KDM7A: variants seen among roughly 807,000 people sequenced by gnomAD.
KDM7A encodes the protein lysine demethylase 7A, also known as lysine-specific demethylase 7A.
Under a neutral mutation model 114.8 loss-of-function variants are expected in KDM7A, and 28 were observed. The ratio of observed to expected loss-of-function variants is 0.24; its 90% CI spans 0.18 to 0.33. The LOEUF (loss-of-function observed/expected upper bound fraction) is 0.33. KDM7A is among the 10% of genes least tolerant of loss of function. KDM7A has a pLI of 1.00. For missense variants in KDM7A, 942 were observed against 1,142.5 expected, an observed-to-expected ratio of 0.82 and a Z score of 2.53; for synonymous variants, 423 against 397.8, an observed-to-expected ratio of 1.06 and a Z score of -0.75.
chr7:140,095,553 A>G, intron 17 of KDM7A: 1 of 206,898 alleles, frequency 4.8e-6, no homozygotes, highest in South Asian at 4.6e-5. Flanking sequence ...GTAAAATGGG[A>G]GTGATTTTAC....
chr7:140,100,660 T>TTATATATATATATATATACACATA lies in KDM7A; in HGVS notation c.1639-638_1639-637insTATGTGTATATATATATATATATA, dbSNP rs1818185318. ...ATACAATTTAAAATATTTTAAAAAGTTATATATATATATATATATACATAT... is the reference window on the plus strand; with the variant it reads ...ATACAATTTAAAATATTTTAAAAAGTTATATATATATATATATACACATATATATATATATATATATATACATAT... On this transcript the variant is annotated intron_variant, in intron 12 of 19. Coordinates refer to ENST00000397560, the MANE Select transcript of KDM7A (RefSeq NM_030647.2). 2.6e-4 allele frequency among the ~76,000 whole-genome samples: 29 copies of TTATATATATATATATATACACATA among 111,280 alleles called. 1 individual carries two copies. The highest frequency in any genetic ancestry group is 4.3e-4 in the Non-Finnish European group (24 of 55,486). 73.0% of individuals were successfully genotyped at this position (111,280 alleles called of 152,430 possible).
At chr7:140,165,639 T>C (rs114559350) in intron 1 of KDM7A, among the ~76,000 whole-genome samples, 2,258 of 152,306 alleles carry the variant, frequency 0.015, 71 homozygotes, top group African/African-American at 0.05. Flanking sequence ...CCTCTGTTAG[T>C]GTATCCAGAC....
intron 1 of KDM7A, among the ~76,000 whole-genome samples, chr7:140,143,098 T>C (rs1794303578): frequency 6.8e-6 from 1 of 147,236 alleles, no homozygotes; most frequent in Non-Finnish European, 1.5e-5. Context: ...GAGAACGGCA[T>C]GAACTCGGGA....
At chr7:140,092,294 C>T (rs183391959) in intron 18 of KDM7A, among the ~76,000 whole-genome samples, 2 of 152,204 alleles carry the variant, frequency 1.3e-5, no homozygotes, top group Admixed American at 6.5e-5. Context: ...GTTAAGAAGG[C>T]GAAAGAGAGA....
intron 1 of KDM7A, among the ~76,000 whole-genome samples, chr7:140,172,647 C>G (rs1794658950): frequency 6.7e-6 from 1 of 150,310 alleles, no homozygotes; most frequent in Admixed American, 6.6e-5. Flanking sequence ...AGCGAAACTC[C>G]GTCTCAAAAA....
At chr7:140,099,813 A>G in intron 13 of KDM7A, 86 bp downstream of exon 13, 2 of 1,299,584 alleles carry the variant, frequency 1.5e-6, no homozygotes, top group Non-Finnish European at 2.2e-6. Context: ...CCCTGGTGCC[A>G]GAAAGGTTGA....
rs564570172 is a variant in KDM7A, at chr7:140,087,455, C to T, written c.*3639G>A. The stretch of plus-strand genomic sequence containing the variant: ...GATTTTTAAAGTAGCATGCCCTGGG[C>T]ATATATTTGATATAAAATAAACATC... On this transcript the variant is annotated 3_prime_UTR_variant, in exon 20 of 20. Transcript: ENST00000397560. 2 of 152,188 alleles carry T rather than the reference C, an allele frequency of 1.3e-5. No individual in the cohort carries two copies. Among genetic ancestry groups the T allele is most frequent in the African/African-American group, 4.8e-5 (2 of 41,514 alleles). 9.4% of individuals were successfully genotyped at this position (152,188 alleles called of 1,614,324 possible). A position where few individuals can be genotyped will look rare whatever the true frequency, so the allele number is the denominator to read the frequency against.
chr7:140,091,167 A>G lies in KDM7A; in HGVS notation c.2753T>C (p.Met918Thr), dbSNP rs759305960. ...ATKGKRPKKG[M>T]ATAKQRLGKI... ...CCCAAGACGTTGTTTGGCTGTTGCC[A>G]TTCCTTTTTTTGGACGTTTACCTAT... Residue 918 changes from methionine (M) to threonine (T), a missense_variant, in exon 20 of 20, where the codon ATG (methionine) becomes ACG (threonine). This residue lies in a region of KDM7A where 512 missense variants were observed against 576.6 expected (regional missense o/e 0.89). Transcript: ENST00000397560. 1.2e-6 allele frequency: 2 copies of G among 1,613,928 alleles called. No individual in the cohort carries two copies. Among genetic ancestry groups the G allele is most frequent in the Admixed American group, 1.7e-5 (1 of 60,026 alleles).
chr7:140,097,019 T>C lies in KDM7A; in HGVS notation c.2045A>G (p.Glu682Gly). Residue 682 changes from glutamate (E) to glycine (G), a missense_variant, in exon 16 of 20, where the codon GAA becomes GGA. By Grantham distance (98) the Glu-to-Gly change is moderately conservative. Coordinates refer to ENST00000397560, the MANE Select transcript of KDM7A (RefSeq NM_030647.2). ...LKSIFTTEES[E>G]SSGDEKKQEI... ...TTGTTTCTTTTCATCACCTGAACTT[T>C]CAGACTCTTCAGTGGTAAAGATACT... The C allele has an allele frequency of 6.2e-7, 1 of 1,612,334 alleles. No individual in the cohort carries two copies. Among genetic ancestry groups the C allele is most frequent in the Non-Finnish European group, 8.5e-7 (1 of 1,178,630 alleles).
At chr7:140,128,048 T>G (rs1818733871) in intron 4 of KDM7A, among the ~76,000 whole-genome samples, 1 of 152,132 alleles carries the variant, frequency 6.6e-6, no homozygotes, top group Non-Finnish European at 1.5e-5. Context: ...CATCACTCAT[T>G]GGGGAATTAG....
intron 12 of KDM7A, 131 bp downstream of exon 12, chr7:140,101,820 C>T (rs1818231149): frequency 3.0e-6 from 2 of 662,890 alleles, no homozygotes; most frequent in East Asian, 2.6e-5. Flanking sequence ...GGCATAACTA[C>T]TGGTTGATCC....
Position 140,121,820 on chromosome 7 carries a change from T to C in KDM7A, c.1052-1291A>G, listed in dbSNP as rs1818622069. On this transcript the variant is annotated intron_variant, in intron 7 of 19. Transcript: ENST00000397560. ...ATATATTATTATATATATCTGTATA[T>C]ACAGACACCCACACACAGTATATTT... is the stretch of plus-strand genomic sequence containing the variant. 2.0e-5 allele frequency among the ~76,000 whole-genome samples: 3 copies of C among 152,156 alleles called. No homozygotes were observed. In the South Asian group the frequency reaches 6.2e-4, roughly 32 times the overall value.
chr7:140,111,144 C>T lies in KDM7A; in HGVS notation c.1379G>A (p.Arg460Lys). The T allele has an allele frequency of 6.2e-7, 1 of 1,608,908 alleles. No individual in the cohort carries two copies. The highest frequency in any genetic ancestry group is 2.2e-5 in the East Asian group (1 of 44,752). ...AAGTTCTTTAATAAGGTGTCCAGGT[C>T]TAACATTGTCTGGAATTTCAAAGGC... ...EHAFEIPDNV[R>K]PGHLIKELSK... is the part of the protein sequence containing the mutation. Residue 460 changes from arginine (R) to lysine (K), a missense_variant, in exon 11 of 20, where the codon AGA becomes AAA. Physicochemically the swap from Arg to Lys is conservative, Grantham distance 26. Coordinates refer to ENST00000397560, the MANE Select transcript of KDM7A (RefSeq NM_030647.2).
rs1201756670 is a variant in KDM7A at position 140,133,596 on chromosome 7, G to A, written c.341C>T (p.Pro114Leu). 6.2e-7 allele frequency: 1 copy of A among 1,612,936 alleles called. No individual in the cohort carries two copies. The highest frequency in any genetic ancestry group is 8.5e-7 in the Non-Finnish European group (1 of 1,179,156). The change falls in exon 3 of 20, where the codon CCA becomes CTA. Residue 114 changes from proline (P) to leucine (L), a missense_variant. By Grantham distance (98) the Pro-to-Leu change is moderately conservative. Transcript: ENST00000397560. ...GAAAGTTCTAGTTCCAGCTTGCACT[G>A]GTTTGGAACCATCATCAATTTCTGT... ...DYTEIDDGSK[P>L]VQAGTRTFIK...
chr7:140,155,907 AC>A (rs1359261480), intron 1 of KDM7A, among the ~76,000 whole-genome samples: 1 of 152,258 alleles, frequency 6.6e-6, no homozygotes, highest in Admixed American at 6.5e-5. Context: ...GAGGACAGTT[AC>A]ATTTCACAAG....
intron 5 of KDM7A, 70 bp downstream of exon 5, chr7:140,127,372 A>G: frequency 7.5e-7 from 1 of 1,341,346 alleles, no homozygotes; most frequent in South Asian, 1.3e-5. Flanking sequence ...TCTTCCTAAA[A>G]TAAATACATC....
intron 1 of KDM7A, among the ~76,000 whole-genome samples, chr7:140,159,727 G>A (rs892547872): frequency 3.3e-5 from 5 of 152,074 alleles, no homozygotes; most frequent in African/African-American, 1.2e-4. Flanking sequence ...GTAAAATAGG[G>A]AGGAATCAAG....
intron 1 of KDM7A, among the ~76,000 whole-genome samples, chr7:140,150,884 A>C (rs1450702338): frequency 6.9e-6 from 1 of 145,694 alleles, no homozygotes; most frequent in African/African-American, 2.6e-5. Flanking sequence ...GCTGGAGTGC[A>C]ATGGCACAAT....
intron 1 of KDM7A, among the ~76,000 whole-genome samples, chr7:140,151,151 C>T (rs1794396080): frequency 6.6e-6 from 1 of 152,048 alleles, no homozygotes; most frequent in African/African-American, 2.4e-5. Context: ...CTGTTCTTAA[C>T]AAGTTCCCCA....
Sources: allele counts gnomAD v4.1 joint callset (sites outside exome capture counted in the v4.1 genomes callset), GRCh38; gene constraint gnomAD v4.1.1; regional missense constraint gnomAD v4.1.1; transcripts MANE v1.5; gene names NCBI Gene and HGNC (gene_info 2026-07-23, HGNC 2026-07-21).